TMEM123: variants seen among roughly 807,000 people sequenced by gnomAD.
TMEM123 encodes the protein porimin.
A neutral mutation model predicts 19.7 loss-of-function variants in TMEM123; 16 were observed. The ratio of observed to expected loss-of-function variants is 0.81; its 90% CI spans 0.55 to 1.23. TMEM123 has a LOEUF of 1.23. Ranked by LOEUF, TMEM123 falls within the 50% of genes most tolerant of loss-of-function variation. The probability of loss-of-function intolerance (pLI) is 0.00; values close to 1 mark genes in which losing one functional copy is unlikely to be tolerated. For missense variants in TMEM123, 313 were observed against 257.8 expected (o/e 1.21, Z -1.47); for synonymous variants, 118 against 99.4 (o/e 1.19, Z -1.12).
chr11:102,399,696 A>AT (rs1951893667), intron 4 of TMEM123, among the ~76,000 whole-genome samples: 1 of 152,204 alleles, frequency 6.6e-6, no homozygotes, highest in Admixed American at 6.5e-5. Flanking sequence ...AAGGCCAGAT[A>AT]TGGTGGCTCA....
chr11:102,451,912 GC>G (rs1449822783), intron 1 of TMEM123, among the ~76,000 whole-genome samples: 1 of 152,186 alleles, frequency 6.6e-6, no homozygotes, highest in Non-Finnish European at 1.5e-5. Flanking sequence ...GGTGGAGAGC[GC>G]CCCGCCATGG....
chr11:102,405,704 C>G (rs1951949905), intron 2 of TMEM123, among the ~76,000 whole-genome samples: 1 of 152,144 alleles, frequency 6.6e-6, no homozygotes. Context: ...CCCCTGCCCT[C>G]TGGTATAATA....
At chr11:102,407,942 T>C (rs574022914) in intron 2 of TMEM123, among the ~76,000 whole-genome samples, 1 of 152,362 alleles carries the variant, frequency 6.6e-6, no homozygotes, top group African/African-American at 2.4e-5. Flanking sequence ...ATAAAAAATA[T>C]GTCTCTGTGC....
intron 4 of TMEM123, among the ~76,000 whole-genome samples, chr11:102,401,029 AAG>A (rs771707440): frequency 4.2e-4 from 64 of 152,344 alleles, no homozygotes; most frequent in South Asian, 2.1e-3. Context: ...CACATCTAAA[AAG>A]AGAGTTTTGC....
rs1339983402 is a variant in TMEM123, at chr11:102,425,559, A to AT, written c.157+23252dup. 3.1e-5 allele frequency among the ~76,000 whole-genome samples: 4 copies of AT among 129,844 alleles called. No individual in the cohort carries two copies. In the East Asian group the frequency reaches 9.4e-4, roughly 31 times the overall value. 85.2% of individuals were successfully genotyped at this position (129,844 alleles called of 152,430 possible). A position where few individuals can be genotyped will look rare whatever the true frequency, so the allele number is the denominator to read the frequency against. ...TAGGTCAAGCACTGTTTCCTCCAGG[A>AT]TTGTTTTTTTTTTTTTCTTTTTTCT... On this transcript the variant is annotated intron_variant, in intron 2 of 4. Coordinates refer to ENST00000398136, the MANE Select transcript of TMEM123 (RefSeq NM_052932.3).
At position 102,450,655 on chromosome 11, in the gene TMEM123, G is replaced by A. The variant is rs1042063387; in HGVS notation, c.101-1787C>T. On this transcript the variant is annotated intron_variant, in intron 1 of 4. Transcript: ENST00000398136. The stretch of plus-strand genomic sequence containing the variant: ...TCATCATCTAACGCGGCTTAGTGGT[G>A]AAATGGTTAATTGAAAATTTGGATT... Among the ~76,000 whole-genome samples the A allele has an allele frequency of 2.6e-5, 4 of 152,246 alleles. No individual in the cohort carries two copies. The South Asian group carries it at 6.2e-4, about 24-fold the overall frequency.
At position 102,430,681 on chromosome 11, in the gene TMEM123, G is replaced by A. The variant is rs543884411; in HGVS notation, c.157+18131C>T. On this transcript the variant is annotated intron_variant, in intron 2 of 4. Transcript: ENST00000398136. The stretch of plus-strand genomic sequence containing the variant: ...GTGGCCACAGAGCTAGGAAAAACAC[G>A]TTTATTTAGGTCCTGGTTTTGTGCC... Among the ~76,000 whole-genome samples, 9 of 152,300 alleles carry A rather than the reference G, an allele frequency of 5.9e-5. No individual in the cohort carries two copies. In the East Asian group the frequency reaches 1.3e-3, roughly 23 times the overall value.
At chr11:102,422,910 A>G (rs574748949) in intron 2 of TMEM123, among the ~76,000 whole-genome samples, 4 of 152,136 alleles carry the variant, frequency 2.6e-5, no homozygotes, top group Admixed American at 6.5e-5. Flanking sequence ...TTTCTGAACA[A>G]TCTACCCAGA....
chr11:102,409,141 A>G (rs1951980955), intron 2 of TMEM123, among the ~76,000 whole-genome samples: 1 of 152,160 alleles, frequency 6.6e-6, no homozygotes, highest in African/African-American at 2.4e-5. Context: ...ATACACATCC[A>G]ATTTTTAAAA....
chr11:102,399,740 T>C (rs1447213058), intron 4 of TMEM123, among the ~76,000 whole-genome samples: 6 of 151,948 alleles, frequency 3.9e-5, no homozygotes, highest in Non-Finnish European at 7.4e-5. Context: ...GAGGCCAAGG[T>C]GGGAGGATCA....
At chr11:102,440,608 A>G (rs1487281252) in intron 2 of TMEM123, among the ~76,000 whole-genome samples, 1 of 152,230 alleles carries the variant, frequency 6.6e-6, no homozygotes, top group Non-Finnish European at 1.5e-5. Context: ...TCAAATTGTA[A>G]AGACCATCGA....
chr11:102,401,256 A>C (rs536310278), intron 4 of TMEM123, among the ~76,000 whole-genome samples: 1 of 152,326 alleles, frequency 6.6e-6, no homozygotes, highest in East Asian at 1.9e-4. Flanking sequence ...GGTATGAGTA[A>C]GTGAAAATTT....
In TMEM123 at chr11:102,401,522, G is replaced by A. The variant is rs573938340; in HGVS notation, c.602+17C>T. ...CCAACAATTTTTTTTAAAAAGTCCT[G>A]GCCATTCAAAACTTACATGGTTCGA... On this transcript the variant is annotated intron_variant, in intron 4 of 4. Coordinates refer to ENST00000398136, the MANE Select transcript of TMEM123 (RefSeq NM_052932.3). The A allele has an allele frequency of 1.9e-5, 30 of 1,547,538 alleles. No individual in the cohort carries two copies. In the South Asian group the frequency reaches 2.3e-4, roughly 12 times the overall value.
At chr11:102,421,195 C>A (rs1022332543) in intron 2 of TMEM123, among the ~76,000 whole-genome samples, 4 of 152,138 alleles carry the variant, frequency 2.6e-5, no homozygotes, top group African/African-American at 9.7e-5. Flanking sequence ...TTCTATAAAC[C>A]TGCATACAAG....
At chr11:102,436,537 T>C (rs1034921444) in intron 2 of TMEM123, among the ~76,000 whole-genome samples, 4 of 151,932 alleles carry the variant, frequency 2.6e-5, no homozygotes, top group African/African-American at 7.2e-5. Flanking sequence ...ACTAATAAGA[T>C]TGTAAACAAA....
At position 102,452,614 on chromosome 11, in the gene TMEM123, C is replaced by T. The variant is rs1227035475; in HGVS notation, c.10G>A (p.Gly4Ser). 5 of 1,555,208 alleles carry T rather than the reference C, an allele frequency of 3.2e-6. No individual in the cohort carries two copies. Among genetic ancestry groups the T allele is most frequent in the Non-Finnish European group, 3.5e-6 (4 of 1,153,742 alleles). ...AGCGCGGCCCAAGCACCTCGCGCGC[C>T]GAGTCCCATTGTTCCGAGGGCAGGA... is the stretch of plus-strand genomic sequence containing the variant. MGL[G>S]ARGAWAALLL... Residue 4 changes from glycine to serine, a missense_variant, in exon 1 of 5, where the codon GGC (glycine) becomes AGC (serine). Gly to Ser is a moderately conservative substitution (Grantham distance 56). Transcript: ENST00000398136.
intron 2 of TMEM123, among the ~76,000 whole-genome samples, chr11:102,439,731 G>A (rs182812839): frequency 2.6e-5 from 4 of 152,304 alleles, no homozygotes; most frequent in African/African-American, 4.8e-5. Flanking sequence ...GGCTTCAGAC[G>A]ATCGGTAATA....
rs756905484 is a variant in TMEM123, at chr11:102,409,932, A to T, written c.158-7726T>A. On this transcript the variant is annotated intron_variant, in intron 2 of 4. Transcript: ENST00000398136. ...AAAAATCTAAGAGAAAACTGAGCTT[A>T]AAAAAAGTCACATCATGATAAAGAA... Among the ~76,000 whole-genome samples the T allele has an allele frequency of 1.5e-3, 225 of 152,206 alleles. 1 individual carries two copies. The highest frequency in any genetic ancestry group is 2.5e-3 in the Non-Finnish European group (171 of 67,992).
At chr11:102,416,570 A>G (rs2135850215) in intron 2 of TMEM123, among the ~76,000 whole-genome samples, 1 of 152,254 alleles carries the variant, frequency 6.6e-6, no homozygotes, top group East Asian at 1.9e-4. Flanking sequence ...TTCACAGTCA[A>G]GTTCTACCAG....
Sources: gnomAD v4.1 joint callset for allele counts (sites outside exome capture counted in the v4.1 genomes callset) on GRCh38, gnomAD v4.1.1 for gene constraint, MANE v1.5 for transcripts, NCBI Gene and HGNC (gene_info 2026-07-23, HGNC 2026-07-21) for gene names.